SLX4IP: variants seen among roughly 807,000 people sequenced by gnomAD.
SLX4IP encodes the protein SLX4 interacting protein.
In SLX4IP, 34 loss-of-function variants were observed where a neutral mutation model predicts 32.9. The ratio of observed to expected loss-of-function variants is 1.03; its 90% CI spans 0.79 to 1.38. The LOEUF is 1.38. Among genes scored for constraint, SLX4IP ranks in the 40% most tolerant of loss-of-function variants. The probability of loss-of-function intolerance (pLI) is 0.00; values close to 1 mark genes in which losing one functional copy is unlikely to be tolerated. For synonymous variants in SLX4IP, 172 were observed against 171.7 expected, an observed-to-expected ratio of 1.00 and a Z score of -0.01; for missense variants, 444 against 479.0, an observed-to-expected ratio of 0.93 and a Z score of 0.68.
At chr20:10,475,101 G>A (rs2065463819) in intron 2 of SLX4IP, among the ~76,000 whole-genome samples, 1 of 152,226 alleles carries the variant, frequency 6.6e-6, no homozygotes. Flanking sequence ...GAGCATCCAA[G>A]TCAGGGCTTT....
intron 2 of SLX4IP, among the ~76,000 whole-genome samples, chr20:10,530,009 A>C (rs1383681050): frequency 6.6e-6 from 1 of 152,184 alleles, no homozygotes. Context: ...TTGAAGTCTC[A>C]ACTGCCGAGC....
intron 2 of SLX4IP, among the ~76,000 whole-genome samples, chr20:10,471,707 A>G (rs2065426417): frequency 5.3e-5 from 8 of 152,110 alleles, no homozygotes; most frequent in Admixed American, 5.2e-4. Flanking sequence ...CTATTCTCAT[A>G]TTTCAATGGG....
At chr20:10,595,984 G>A (rs1271456915) in intron 4 of SLX4IP, among the ~76,000 whole-genome samples, 1 of 152,158 alleles carries the variant, frequency 6.6e-6, no homozygotes, top group Non-Finnish European at 1.5e-5. Context: ...GTCCTGGGGT[G>A]GGAGGTGTAG....
rs34904076 is a variant in SLX4IP at position 10,466,856 on chromosome 20, T to TAA, written c.27+8634_27+8635dup. On this transcript the variant is annotated intron_variant, in intron 2 of 7. Coordinates refer to ENST00000334534, the MANE Select transcript of SLX4IP (RefSeq NM_001009608.3). ...TTTAGGAGGAAAGGAGAGATTTTAT[T>TAA]AAAAAAAAAAGAACTCCCTGCATCT... 2.2e-3 allele frequency among the ~76,000 whole-genome samples: 327 copies of TAA among 148,886 alleles called. 3 individuals carry two copies. Among genetic ancestry groups the TAA allele is most frequent in the Middle Eastern group, 6.8e-3 (2 of 292 alleles).
At chr20:10,464,172 G>T (rs1009308023) in intron 2 of SLX4IP, among the ~76,000 whole-genome samples, 3 of 152,010 alleles carry the variant, frequency 2.0e-5, no homozygotes, top group African/African-American at 7.2e-5. Flanking sequence ...GGCAGAAGAG[G>T]CCATTTTGTT....
chr20:10,586,649 G>C (rs1201965015), intron 4 of SLX4IP, among the ~76,000 whole-genome samples: 1 of 151,406 alleles, frequency 6.6e-6, no homozygotes, highest in East Asian at 1.9e-4. Context: ...AAGATGAAGA[G>C]AAATATTAGG....
Position 10,437,123 on chromosome 20 carries a change from C to T in SLX4IP, c.-30+1670C>T, listed in dbSNP as rs56796540. ...TCTTCTGTCTTCCCATTTTATTTTA[C>T]TTCTTTTATTTTTATTTTTTGAGAC... On this transcript the variant is annotated intron_variant, in intron 1 of 7. Coordinates refer to ENST00000334534, the MANE Select transcript of SLX4IP (RefSeq NM_001009608.3). 4.4e-3 allele frequency among the ~76,000 whole-genome samples: 674 copies of T among 152,060 alleles called. 7 individuals carry two copies. The highest frequency in any genetic ancestry group is 0.015 in the African/African-American group (639 of 41,466).
intron 2 of SLX4IP, among the ~76,000 whole-genome samples, chr20:10,538,439 C>T (rs1190093537): frequency 6.6e-6 from 1 of 152,054 alleles, no homozygotes. Flanking sequence ...TGTTTCCAGA[C>T]ATTGTACACA....
intron 2 of SLX4IP, among the ~76,000 whole-genome samples, chr20:10,469,339 A>G (rs1473424145): frequency 6.6e-6 from 1 of 152,002 alleles, no homozygotes; most frequent in East Asian, 1.9e-4. Context: ...AATCATCTCA[A>G]CCTATTTCTC....
intron 4 of SLX4IP, among the ~76,000 whole-genome samples, chr20:10,575,399 T>C (rs1467148504): frequency 6.6e-6 from 1 of 152,124 alleles, no homozygotes; most frequent in Non-Finnish European, 1.5e-5. Context: ...TAATAATGTA[T>C]TGGGGTGAGG....
chr20:10,612,087 T>G (rs985562901), intron 6 of SLX4IP, among the ~76,000 whole-genome samples: 2 of 152,180 alleles, frequency 1.3e-5, no homozygotes, highest in Non-Finnish European at 2.9e-5. Context: ...GGGGACCAGA[T>G]GAGATGTTGG....
rs149617602 is a variant in SLX4IP at position 10,526,135 on chromosome 20, C to T, written c.28-30096C>T. 1.1e-3 allele frequency among the ~76,000 whole-genome samples: 163 copies of T among 152,280 alleles called. 1 individual carries two copies. Among genetic ancestry groups the T allele is most frequent in the African/African-American group, 3.6e-3 (150 of 41,556 alleles). On this transcript the variant is annotated intron_variant, in intron 2 of 7. Transcript: ENST00000334534. ...ATGCGCACATCACATTGCACTTTCACGCCTCTGCATTTGTTCACACTCTTC... is the reference window on the plus strand; with the variant it reads ...ATGCGCACATCACATTGCACTTTCATGCCTCTGCATTTGTTCACACTCTTC...
chr20:10,439,223 T>A (rs1028714172), intron 1 of SLX4IP, among the ~76,000 whole-genome samples: 7 of 152,140 alleles, frequency 4.6e-5, no homozygotes, highest in African/African-American at 1.4e-4. Context: ...TTTTCTTTTT[T>A]CATTTTTTTG....
At chr20:10,464,234 C>A (rs1266960572) in intron 2 of SLX4IP, among the ~76,000 whole-genome samples, 1 of 152,118 alleles carries the variant, frequency 6.6e-6, no homozygotes, top group East Asian at 1.9e-4. Context: ...GCTGCCCAGT[C>A]TGATCTTGAA....
intron 2 of SLX4IP, among the ~76,000 whole-genome samples, chr20:10,492,441 A>G (rs1047571629): frequency 1.3e-5 from 2 of 152,174 alleles, no homozygotes; most frequent in East Asian, 1.9e-4. Flanking sequence ...GTGTGAAGTG[A>G]TATCTTACTG....
chr20:10,523,655 C>T (rs1261879033), intron 2 of SLX4IP, among the ~76,000 whole-genome samples: 10 of 152,314 alleles, frequency 6.6e-5, no homozygotes, highest in Non-Finnish European at 8.8e-5. Flanking sequence ...GCACGGTGCC[C>T]GGCACCAAAC....
At chr20:10,498,201 G>T (rs1192842898) in intron 2 of SLX4IP, among the ~76,000 whole-genome samples, 1 of 150,854 alleles carries the variant, frequency 6.6e-6, no homozygotes, top group African/African-American at 2.4e-5. Context: ...ATTAGATATT[G>T]TTAATCTATT....
intron 2 of SLX4IP, among the ~76,000 whole-genome samples, chr20:10,518,637 G>T (rs534515722): frequency 1.3e-5 from 2 of 150,596 alleles, no homozygotes; most frequent in African/African-American, 4.9e-5. Flanking sequence ...GCAGCGCTGC[G>T]ATCTCAGCTC....
chr20:10,620,022 T>G (rs2067089289), intron 6 of SLX4IP, among the ~76,000 whole-genome samples: 1 of 152,144 alleles, frequency 6.6e-6, no homozygotes, highest in Admixed American at 6.5e-5. Flanking sequence ...CCATCCTCAG[T>G]GGTGCAGGGC....
Sources: allele counts gnomAD v4.1 joint callset (sites outside exome capture counted in the v4.1 genomes callset), GRCh38; gene constraint gnomAD v4.1.1; transcripts MANE v1.5; gene names NCBI Gene and HGNC (gene_info 2026-07-23, HGNC 2026-07-21).